Variants in KCNQ3 observed in about 807,000 individuals in gnomAD.
KCNQ3 encodes potassium voltage-gated channel subfamily KQT member 3.
Under a neutral mutation model 92.5 loss-of-function variants are expected in KCNQ3, and 30 were observed. The observed-to-expected ratio is 0.32, with a 90% CI of 0.24 to 0.44. The LOEUF (loss-of-function observed/expected upper bound fraction) is 0.44. Ranked by LOEUF, KCNQ3 falls within the 20% of genes least tolerant of loss-of-function variation. The probability of loss-of-function intolerance (pLI) is 1.00; values close to 1 mark genes in which losing one functional copy is unlikely to be tolerated. For synonymous variants in KCNQ3, 450 were observed against 468.8 expected (o/e 0.96, Z 0.52); for missense variants, 913 against 1,140.3 (o/e 0.80, Z 2.87).
chr8:132,374,797 G>C (rs893531876), intron 1 of KCNQ3, among the ~76,000 whole-genome samples: 1 of 151,936 alleles, frequency 6.6e-6, no homozygotes, highest in Non-Finnish European at 1.5e-5. Context: ...CTGTTCCTGG[G>C]TTAGTTTGCT....
chr8:132,386,291 C>G (rs1819889882), intron 1 of KCNQ3, among the ~76,000 whole-genome samples: 1 of 151,838 alleles, frequency 6.6e-6, no homozygotes, highest in Non-Finnish European at 1.5e-5. Flanking sequence ...ATTTTTTACT[C>G]TTAAAAACAG....
chr8:132,220,033 C>A (rs1354637710), intron 1 of KCNQ3, among the ~76,000 whole-genome samples: 2 of 152,164 alleles, frequency 1.3e-5, no homozygotes, highest in Non-Finnish European at 1.5e-5. Context: ...CTTTCCATCG[C>A]ACCATGCTTC....
intron 1 of KCNQ3, among the ~76,000 whole-genome samples, chr8:132,421,727 A>C (rs947729045): frequency 1.3e-5 from 2 of 152,216 alleles, no homozygotes; most frequent in Non-Finnish European, 2.9e-5. Flanking sequence ...GAACATATGA[A>C]AGATCCTACC....
Position 132,121,460 on chromosome 8 carries a change from C to T in KCNQ3, c.*7802G>A, listed in dbSNP as rs1239807535. 6.6e-6 allele frequency: 1 copy of T among 152,170 alleles called. No individual in the cohort carries two copies. The highest frequency in any genetic ancestry group is 1.5e-5 in the Non-Finnish European group (1 of 68,058). The allele number at this position is 152,170 out of a possible 1,614,324, so 9.4% of individuals were successfully genotyped here. A position where few individuals can be genotyped will look rare whatever the true frequency, so the allele number is the denominator to read the frequency against. On this transcript the variant is annotated 3_prime_UTR_variant, in exon 15 of 15. Coordinates refer to ENST00000388996, the MANE Select transcript of KCNQ3 (RefSeq NM_004519.4). The stretch of plus-strand genomic sequence containing the variant: ...CTCTGATCCTTGGCAAAATGGCTGC[C>T]CCAAATCTTGCAACTTGGCCACCAC...
chr8:132,446,455 C>T (rs1821679532), intron 1 of KCNQ3, among the ~76,000 whole-genome samples: 1 of 152,174 alleles, frequency 6.6e-6, no homozygotes, highest in African/African-American at 2.4e-5. Flanking sequence ...TCTGTGTGTC[C>T]TTAAGCAAAC....
At chr8:132,215,694 C>G (rs920614532) in intron 1 of KCNQ3, among the ~76,000 whole-genome samples, 6 of 152,174 alleles carry the variant, frequency 3.9e-5, no homozygotes, top group Non-Finnish European at 7.4e-5. Context: ...CTGTGGTCAC[C>G]AGCAGAGGGC....
intron 1 of KCNQ3, among the ~76,000 whole-genome samples, chr8:132,337,085 C>A (rs1031826919): frequency 1.3e-5 from 2 of 152,148 alleles, no homozygotes; most frequent in African/African-American, 4.8e-5. Context: ...TATAAAGGTC[C>A]CTTATTGCCT....
Position 132,182,534 on chromosome 8 carries a change from G to A in KCNQ3, c.604+1707C>T, listed in dbSNP as rs886556166. ...GAGGGGGACCTGGAGCTCTGTGACC[G>A]CAGCTGATTTTAAAATAGTGGATAC... On this transcript the variant is annotated intron_variant, in intron 3 of 14. Transcript: ENST00000388996. Among the ~76,000 whole-genome samples, 12 of 152,230 alleles carry A rather than the reference G, an allele frequency of 7.9e-5. 1 individual carries two copies. Among genetic ancestry groups the A allele is most frequent in the African/African-American group, 4.8e-5 (2 of 41,460 alleles).
In KCNQ3 at chr8:132,272,439, A is replaced by G. The variant is rs532468485; in HGVS notation, c.387-86258T>C. 3.0e-4 allele frequency among the ~76,000 whole-genome samples: 46 copies of G among 152,322 alleles called. 1 individual carries two copies. The highest frequency in any genetic ancestry group is 3.4e-3 in the Middle Eastern group (1 of 294). On this transcript the variant is annotated intron_variant, in intron 1 of 14. Transcript: ENST00000388996. ...GAATGCCTGGGCTTTGCTTCAGTTC[A>G]GGCCAGGAACTGAGCCCTCTGGCAG...
At chr8:132,134,819 C>G (rs2130932757) in intron 12 of KCNQ3, among the ~76,000 whole-genome samples, 1 of 151,930 alleles carries the variant, frequency 6.6e-6, no homozygotes, top group South Asian at 2.1e-4. Flanking sequence ...TTCTTCTATC[C>G]CTTCCAAAAA....
intron 1 of KCNQ3, among the ~76,000 whole-genome samples, chr8:132,201,904 T>C (rs188240778): frequency 4.5e-3 from 686 of 152,338 alleles, no homozygotes; most frequent in Non-Finnish European, 7.8e-3. Context: ...CCAGGCTATA[T>C]GCAATATCCT....
intron 1 of KCNQ3, among the ~76,000 whole-genome samples, chr8:132,290,046 A>C (rs927052687): frequency 3.3e-5 from 5 of 152,176 alleles, no homozygotes; most frequent in African/African-American, 1.2e-4. Flanking sequence ...GCAGACTTTA[A>C]TTCATTTAGC....
intron 1 of KCNQ3, among the ~76,000 whole-genome samples, chr8:132,304,247 C>T (rs564913014): frequency 5.9e-5 from 9 of 152,244 alleles, no homozygotes; most frequent in Non-Finnish European, 1.2e-4. Flanking sequence ...GAATTCACCA[C>T]TATGTAATAC....
chr8:132,330,506 C>G (rs1818198301), intron 1 of KCNQ3, among the ~76,000 whole-genome samples: 1 of 152,142 alleles, frequency 6.6e-6, no homozygotes, highest in African/African-American at 2.4e-5. Context: ...CGACACCAGC[C>G]CTTTTGCCAT....
At chr8:132,311,718 A>G (rs989738001) in intron 1 of KCNQ3, among the ~76,000 whole-genome samples, 2 of 152,216 alleles carry the variant, frequency 1.3e-5, no homozygotes, top group Non-Finnish European at 2.9e-5. Flanking sequence ...AAGTCAAAGG[A>G]ACTGAACTGA....
chr8:132,255,207 C>T (rs1815545241), intron 1 of KCNQ3, among the ~76,000 whole-genome samples: 1 of 151,992 alleles, frequency 6.6e-6, no homozygotes, highest in Non-Finnish European at 1.5e-5. Context: ...CAGAATGGAG[C>T]TCCTCCAAAG....
At chr8:132,142,801 T>C (rs1382314412) in intron 9 of KCNQ3, among the ~76,000 whole-genome samples, 1 of 152,222 alleles carries the variant, frequency 6.6e-6, no homozygotes, top group East Asian at 1.9e-4. Flanking sequence ...CAGAAGCTGC[T>C]GCTACCTTTG....
intron 7 of KCNQ3, among the ~76,000 whole-genome samples, 167 bp downstream of exon 7, chr8:132,172,431 C>CACACAG (rs1554626955): frequency 5.5e-4 from 83 of 150,754 alleles, no homozygotes; most frequent in South Asian, 1.5e-3. Flanking sequence ...CACACACACA[C>CACACAG]ACACAGACAC....
At chr8:132,250,822 T>A (rs1390679903) in intron 1 of KCNQ3, among the ~76,000 whole-genome samples, 1 of 152,094 alleles carries the variant, frequency 6.6e-6, no homozygotes, top group South Asian at 2.1e-4. Context: ...AAGAGGGTGA[T>A]CTCAAGCTCT....
Sources: gnomAD v4.1 joint callset for allele counts (sites outside exome capture counted in the v4.1 genomes callset) on GRCh38, gnomAD v4.1.1 for gene constraint, MANE v1.5 for transcripts, NCBI Gene and HGNC (gene_info 2026-07-23, HGNC 2026-07-21) for gene names.